Variants in MSMP observed in about 807,000 individuals in gnomAD.
MSMP encodes microseminoprotein, prostate associated.
In MSMP, 9 loss-of-function variants were observed where a neutral mutation model predicts 15.8. The observed-to-expected ratio is 0.57, with a 90% CI of 0.34 to 0.99. The LOEUF is 0.99. Ranked by LOEUF, MSMP falls within the 50% of genes least tolerant of loss-of-function variation. The pLI is 0.02. For synonymous variants in MSMP, 64 were observed against 64.4 expected (o/e 0.99, Z 0.03); for missense variants, 170 against 173.4 (o/e 0.98, Z 0.11).
rs1057440326 is a variant in MSMP at position 35,753,520 on chromosome 9, T to C, written c.239+140A>G. 1.6e-5 allele frequency: 13 copies of C among 800,658 alleles called. No homozygotes were observed. Among genetic ancestry groups the C allele is most frequent in the Non-Finnish European group, 2.4e-5 (12 of 495,988 alleles). 49.6% of individuals were successfully genotyped at this position (800,658 alleles called of 1,614,324 possible). ...TAGCCTGAAGCCTTATCTTTCACAC[T>C]AGTGTTGGTCCCTTCAGGTTTGGCC... is the stretch of plus-strand genomic sequence containing the variant. On this transcript the variant is annotated intron_variant, in intron 2 of 2. Transcript: ENST00000436428. This position sits in a 1 kb window ranked among gnomAD's most constrained non-coding sequence, Gnocchi z 4.2.
chr9:35,753,463 T>G lies in MSMP; in HGVS notation c.240-183A>C. The G allele has an allele frequency of 2.5e-6, 2 of 784,468 alleles. No homozygotes were observed. The highest frequency in any genetic ancestry group is 5.4e-5 in the East Asian group (2 of 37,178). The allele number at this position is 784,468 out of a possible 1,614,324, so 48.6% of individuals were successfully genotyped here. On this transcript the variant is annotated intron_variant, in intron 2 of 2. Transcript: ENST00000436428. This position sits in a 1 kb window ranked among gnomAD's most constrained non-coding sequence, Gnocchi z 4.2. ...TTTGTTTTATAACAGGAGTATTTTC[T>G]CTCCAGGTCCACCCCAACCTCCCCT...
Position 35,753,451 on chromosome 9 carries a change from A to G in MSMP, c.240-171T>C, listed in dbSNP as rs1044930831. 1.5e-4 allele frequency: 121 copies of G among 814,040 alleles called. No homozygotes were observed. Among genetic ancestry groups the G allele is most frequent in the Middle Eastern group, 3.3e-4 (1 of 3,026 alleles). 50.4% of individuals were successfully genotyped at this position (814,040 alleles called of 1,614,324 possible). A position where few individuals can be genotyped will look rare whatever the true frequency, so the allele number is the denominator to read the frequency against. Reference sequence around the variant, plus strand: ...TATGTGGGCCTTTTTGTTTTATAACAGGAGTATTTTCTCTCCAGGTCCACC... The same window carrying G: ...TATGTGGGCCTTTTTGTTTTATAACGGGAGTATTTTCTCTCCAGGTCCACC... On this transcript the variant is annotated intron_variant, in intron 2 of 2. Transcript: ENST00000436428. This position sits in a 1 kb window ranked among gnomAD's most constrained non-coding sequence, Gnocchi z 4.2.
In MSMP at chr9:35,753,732, C is replaced by G; in HGVS notation, c.167G>C (p.Gly56Ala). 6.2e-7 allele frequency: 1 copy of G among 1,614,134 alleles called. No individual in the cohort carries two copies. Among genetic ancestry groups the G allele is most frequent in the Non-Finnish European group, 8.5e-7 (1 of 1,180,030 alleles). ...CHYEGKYFTL[G>A]ESWLRKDCFH... is the part of the protein sequence containing the mutation. ...ACAGTCCTTGCGGAGCCAAGACTCA[C>G]CCAGGGTAAAATATTTCCCCTCATA... Residue 56 changes from glycine (G) to alanine (A), a missense_variant, in exon 2 of 3, where the codon GGT (glycine) becomes GCT (alanine). Physicochemically the swap from Gly to Ala is moderately conservative, Grantham distance 60. Transcript: ENST00000436428. This position sits in a 1 kb window ranked among gnomAD's most constrained non-coding sequence, Gnocchi z 4.2.
rs770501354 is a variant in MSMP at position 35,753,733 on chromosome 9, C to A, written c.166G>T (p.Gly56Cys). The change falls in exon 2 of 3, where the codon GGT (glycine) becomes TGT (cysteine). Residue 56 changes from glycine to cysteine, a missense_variant. Transcript: ENST00000436428. The surrounding 1 kb of genome is among the most constrained non-coding windows in gnomAD (Gnocchi z 4.2). ...CHYEGKYFTLGESWLRKDCFH... is the reference protein window; with the variant it reads ...CHYEGKYFTLCESWLRKDCFH... ...CAGTCCTTGCGGAGCCAAGACTCAC[C>A]CAGGGTAAAATATTTCCCCTCATAG... is the stretch of plus-strand genomic sequence containing the variant. 5.0e-6 allele frequency: 8 copies of A among 1,614,114 alleles called. 1 individual carries two copies. The Middle Eastern group carries it at 1.3e-3, about 266-fold the overall frequency.
In MSMP at chr9:35,753,787, T is replaced by A; in HGVS notation, c.131-19A>T. On this transcript the variant is annotated intron_variant, in intron 1 of 2. Coordinates refer to ENST00000436428, the MANE Select transcript of MSMP (RefSeq NM_001044264.3). This position sits in a 1 kb window ranked among gnomAD's most constrained non-coding sequence, Gnocchi z 4.2. Reference sequence around the variant, plus strand: ...CAGGGGGCTAGGGAAGAACGGGAAATGTTAGTAGGTGTAGGAGTGCTGATG... The same window carrying A: ...CAGGGGGCTAGGGAAGAACGGGAAAAGTTAGTAGGTGTAGGAGTGCTGATG... The A allele has an allele frequency of 6.2e-7, 1 of 1,606,278 alleles. No homozygotes were observed. The highest frequency in any genetic ancestry group is 8.5e-7 in the Non-Finnish European group (1 of 1,173,178).
In MSMP at chr9:35,753,036, G is replaced by A; in HGVS notation, c.*64C>T. 6.3e-7 allele frequency: 1 copy of A among 1,583,624 alleles called. No individual in the cohort carries two copies. The highest frequency in any genetic ancestry group is 8.6e-7 in the Non-Finnish European group (1 of 1,157,682). On this transcript the variant is annotated 3_prime_UTR_variant, in exon 3 of 3. Transcript: ENST00000436428. The surrounding 1 kb of genome is among the most constrained non-coding windows in gnomAD (Gnocchi z 4.2). ...ATTTGTTCAGAATACATTGGCAGCT[G>A]CTAGTGGTTTCCCTGGAAGTGGCAG...
chr9:35,753,630 C>G lies in MSMP; in HGVS notation c.239+30G>C. The G allele has an allele frequency of 6.5e-7, 1 of 1,547,264 alleles. No homozygotes were observed. Among genetic ancestry groups the G allele is most frequent in the Admixed American group, 1.7e-5 (1 of 59,266 alleles). On this transcript the variant is annotated intron_variant, in intron 2 of 2. Coordinates refer to ENST00000436428, the MANE Select transcript of MSMP (RefSeq NM_001044264.3). This position sits in a 1 kb window ranked among gnomAD's most constrained non-coding sequence, Gnocchi z 4.2. ...ATCCCTCAGTCACTCATATCAGAGT[C>G]ATTCTCTCTGGCCATCTTTGGTCAC...
In MSMP at chr9:35,753,074, G is replaced by C; in HGVS notation, c.*26C>G. 1 of 1,608,888 alleles carries C rather than the reference G, an allele frequency of 6.2e-7. No homozygotes were observed. Among genetic ancestry groups the C allele is most frequent in the Non-Finnish European group, 8.5e-7 (1 of 1,175,936 alleles). The stretch of plus-strand genomic sequence containing the variant: ...CTGGAAGTGGCAGCAGCAGTGAGCA[G>C]TCAGCAGATGGATGATCAGTTGAGT... On this transcript the variant is annotated 3_prime_UTR_variant, in exon 3 of 3. Transcript: ENST00000436428. This position sits in a 1 kb window ranked among gnomAD's most constrained non-coding sequence, Gnocchi z 4.2.
Position 35,753,384 on chromosome 9 carries a change from T to A in MSMP, c.240-104A>T. 1 of 1,298,660 alleles carries A rather than the reference T, an allele frequency of 7.7e-7. No individual in the cohort carries two copies. The highest frequency in any genetic ancestry group is 1.1e-6 in the Non-Finnish European group (1 of 945,132). 80.4% of individuals were successfully genotyped at this position (1,298,660 alleles called of 1,614,324 possible). Reference sequence around the variant, plus strand: ...CAGTTTTCCCCCCACAGAGCCCCTTTCAGTGGCCCCTTGGTCCTCCTAACT... The same window carrying A: ...CAGTTTTCCCCCCACAGAGCCCCTTACAGTGGCCCCTTGGTCCTCCTAACT... On this transcript the variant is annotated intron_variant, in intron 2 of 2. Coordinates refer to ENST00000436428, the MANE Select transcript of MSMP (RefSeq NM_001044264.3). This position sits in a 1 kb window ranked among gnomAD's most constrained non-coding sequence, Gnocchi z 4.2.
chr9:35,753,157 TG>T lies in MSMP; in HGVS notation c.362del (p.Pro121GlnfsTer23), dbSNP rs1460353927. 6.2e-7 allele frequency: 1 copy of T among 1,614,220 alleles called. No homozygotes were observed. On this transcript the variant is annotated frameshift_variant, in exon 3 of 3. Coordinates refer to ENST00000436428, the MANE Select transcript of MSMP (RefSeq NM_001044264.3). LOFTEE classifies it high-confidence loss of function. This position sits in a 1 kb window ranked among gnomAD's most constrained non-coding sequence, Gnocchi z 4.2. ...RLPCKGGGPD[P>X]EWGSANTPVP... ...CAGGGGTGTTGGCTGAGCCCCATTC[TG>T]GGTCAGGCCCTCCCCCTTTGCAGGG... is the stretch of plus-strand genomic sequence containing the variant.
rs1219453857 is a variant in MSMP, at chr9:35,753,624, C to T, written c.239+36G>A. 2.0e-6 allele frequency: 3 copies of T among 1,524,056 alleles called. No individual in the cohort carries two copies. In the African/African-American group the frequency reaches 4.1e-5, roughly 21 times the overall value. 94.4% of individuals were successfully genotyped at this position (1,524,056 alleles called of 1,614,324 possible). ...CTGGTCATCCCTCAGTCACTCATAT[C>T]AGAGTCATTCTCTCTGGCCATCTTT... On this transcript the variant is annotated intron_variant, in intron 2 of 2. Transcript: ENST00000436428. The surrounding 1 kb of genome is among the most constrained non-coding windows in gnomAD (Gnocchi z 4.2).
Position 35,753,373 on chromosome 9 carries a change from C to CGG in MSMP, c.240-94_240-93insCC. The CGG allele has an allele frequency of 7.0e-7, 1 of 1,423,154 alleles. No homozygotes were observed. The allele number at this position is 1,423,154 out of a possible 1,614,324, so 88.2% of individuals were successfully genotyped here. A position where few individuals can be genotyped will look rare whatever the true frequency, so the allele number is the denominator to read the frequency against. ...TCCCTCTCTCACAGTTTTCCCCCCA[C>CGG]AGAGCCCCTTTCAGTGGCCCCTTGG... On this transcript the variant is annotated intron_variant, in intron 2 of 2. Coordinates refer to ENST00000436428, the MANE Select transcript of MSMP (RefSeq NM_001044264.3). The surrounding 1 kb of genome is among the most constrained non-coding windows in gnomAD (Gnocchi z 4.2).
chr9:35,753,866 C>T lies in MSMP; in HGVS notation c.131-98G>A, dbSNP rs998803818. On this transcript the variant is annotated intron_variant, in intron 1 of 2. Coordinates refer to ENST00000436428, the MANE Select transcript of MSMP (RefSeq NM_001044264.3). This position sits in a 1 kb window ranked among gnomAD's most constrained non-coding sequence, Gnocchi z 4.2. ...GGAGACAGTAAGTACGCACTATCCCCGTATTTAGTTTGTCTTTCCTGTTTC... is the reference window on the plus strand; with the variant it reads ...GGAGACAGTAAGTACGCACTATCCCTGTATTTAGTTTGTCTTTCCTGTTTC... 39 of 1,525,100 alleles carry T rather than the reference C, an allele frequency of 2.6e-5. No homozygotes were observed. Among genetic ancestry groups the T allele is most frequent in the Non-Finnish European group, 3.1e-5 (35 of 1,114,324 alleles). 94.5% of individuals were successfully genotyped at this position (1,525,100 alleles called of 1,614,324 possible).
At position 35,753,323 on chromosome 9, in the gene MSMP, G is replaced by A. The variant is rs756970945; in HGVS notation, c.240-43C>T. ...GGGGAAGGAGTCAGCACAGTGAAAG[G>A]CTGCCTTTATCCCTGCCCACATGTT... On this transcript the variant is annotated intron_variant, in intron 2 of 2. Transcript: ENST00000436428. This position sits in a 1 kb window ranked among gnomAD's most constrained non-coding sequence, Gnocchi z 4.2. 1 of 1,591,928 alleles carries A rather than the reference G, an allele frequency of 6.3e-7. No individual in the cohort carries two copies. The highest frequency in any genetic ancestry group is 1.1e-5 in the South Asian group (1 of 89,260).
rs976807271 is a variant in MSMP, at chr9:35,753,371, C to A, written c.240-91G>T. 11 of 1,425,428 alleles carry A rather than the reference C, an allele frequency of 7.7e-6. No homozygotes were observed. The highest frequency in any genetic ancestry group is 2.6e-5 in the South Asian group (2 of 76,304). 88.3% of individuals were successfully genotyped at this position (1,425,428 alleles called of 1,614,324 possible). A position where few individuals can be genotyped will look rare whatever the true frequency, so the allele number is the denominator to read the frequency against. ...GTTCCCTCTCTCACAGTTTTCCCCCCACAGAGCCCCTTTCAGTGGCCCCTT... is the reference window on the plus strand; with the variant it reads ...GTTCCCTCTCTCACAGTTTTCCCCCAACAGAGCCCCTTTCAGTGGCCCCTT... On this transcript the variant is annotated intron_variant, in intron 2 of 2. Transcript: ENST00000436428. This position sits in a 1 kb window ranked among gnomAD's most constrained non-coding sequence, Gnocchi z 4.2.
In MSMP at chr9:35,753,846, C is replaced by A; in HGVS notation, c.131-78G>T. The A allele has an allele frequency of 6.6e-7, 1 of 1,526,078 alleles. No individual in the cohort carries two copies. Among genetic ancestry groups the A allele is most frequent in the South Asian group, 1.2e-5 (1 of 86,108 alleles). The allele number at this position is 1,526,078 out of a possible 1,614,324, so 94.5% of individuals were successfully genotyped here. A position where few individuals can be genotyped will look rare whatever the true frequency, so the allele number is the denominator to read the frequency against. ...AGGCTCTTCTGGTCTGGGGTGGAGA[C>A]AGTAAGTACGCACTATCCCCGTATT... On this transcript the variant is annotated intron_variant, in intron 1 of 2. Coordinates refer to ENST00000436428, the MANE Select transcript of MSMP (RefSeq NM_001044264.3). The surrounding 1 kb of genome is among the most constrained non-coding windows in gnomAD (Gnocchi z 4.2).
chr9:35,754,060 C>G lies in MSMP; in HGVS notation c.70G>C (p.Val24Leu), dbSNP rs528421992. ...ILGGWGIICL[V>L]MSLLLQHPGV... ...GGGTGCTGGAGGAGTAGAGACATCA[C>G]CAAGCAGATGATCCCCCAGCCTCCT... The change falls in exon 1 of 3, where the codon GTG becomes CTG. Residue 24 changes from valine to leucine, a missense_variant. Val to Leu is a conservative substitution (Grantham distance 32, BLOSUM62 1). Transcript: ENST00000436428. 2.5e-6 allele frequency: 4 copies of G among 1,613,846 alleles called. No individual in the cohort carries two copies. The highest frequency in any genetic ancestry group is 3.4e-6 in the Non-Finnish European group (4 of 1,179,848).
Position 35,754,040 on chromosome 9 carries a change from C to T in MSMP, c.90G>A (p.Gln30=), listed in dbSNP as rs1371019422. ...IICLVMSLLL[Q]HPGVYSKCYF... ...AGCACTTGCTGTAGACTCCTGGGTG[C>T]TGGAGGAGTAGAGACATCACCAAGC... is the stretch of plus-strand genomic sequence containing the variant. Residue 30 remains glutamine (Q), a synonymous_variant, in exon 1 of 3, where the codon CAG becomes CAA. Coordinates refer to ENST00000436428, the MANE Select transcript of MSMP (RefSeq NM_001044264.3). 2 of 1,613,730 alleles carry T rather than the reference C, an allele frequency of 1.2e-6. No individual in the cohort carries two copies. Among genetic ancestry groups the T allele is most frequent in the Non-Finnish European group, 1.7e-6 (2 of 1,179,850 alleles).
At position 35,753,634 on chromosome 9, in the gene MSMP, C is replaced by T. The variant is rs769494137; in HGVS notation, c.239+26G>A. On this transcript the variant is annotated intron_variant, in intron 2 of 2. Transcript: ENST00000436428. The surrounding 1 kb of genome is among the most constrained non-coding windows in gnomAD (Gnocchi z 4.2). ...CTCAGTCACTCATATCAGAGTCATT[C>T]TCTCTGGCCATCTTTGGTCACTCAC... The T allele has an allele frequency of 3.3e-5, 51 of 1,569,138 alleles. No homozygotes were observed. The highest frequency in any genetic ancestry group is 4.2e-5 in the Non-Finnish European group (48 of 1,140,650).
Sources: gnomAD v4.1 joint callset for allele counts on GRCh38, gnomAD v4.1.1 for gene constraint, Gnocchi (gnomAD v3.1) non-coding constraint, MANE v1.5 for transcripts, NCBI Gene and HGNC (gene_info 2026-07-23, HGNC 2026-07-21) for gene names.